The following GLT1D1 variants were observed in gnomAD, a reference collection of about 807,000 sequenced individuals.
The protein encoded by GLT1D1 is glycosyltransferase 1 domain-containing protein 1.
A neutral mutation model predicts 28.7 loss-of-function variants in GLT1D1; 21 were observed. The observed-to-expected ratio is 0.73, with a 90% CI of 0.52 to 1.05. The LOEUF is 1.05. Among genes scored for constraint, GLT1D1 ranks in the 50% least tolerant of loss-of-function variants. The pLI is 0.00. For missense variants in GLT1D1, 343 were observed against 330.6 expected (o/e 1.04, Z -0.29); for synonymous variants, 147 against 124.8 (o/e 1.18, Z -1.19).
At chr12:128,885,958 C>T (rs985113888) in intron 2 of GLT1D1, among the ~76,000 whole-genome samples, 1 of 152,172 alleles carries the variant, frequency 6.6e-6, no homozygotes, top group Admixed American at 6.5e-5. Context: ...CCACAATTCC[C>T]GTGTGTTGTG....
intron 6 of GLT1D1, among the ~76,000 whole-genome samples, chr12:128,951,232 G>A (rs1336202749): frequency 3.3e-5 from 5 of 151,972 alleles, no homozygotes; most frequent in African/African-American, 1.2e-4. Flanking sequence ...ATGAAACCCT[G>A]TCTCTACTAA....
rs1593032389 is a variant in GLT1D1, at chr12:128,853,645, G to A, written c.64G>A (p.Val22Ile). 2 of 1,162,736 alleles carry A rather than the reference G, an allele frequency of 1.7e-6. No individual in the cohort carries two copies. The highest frequency in any genetic ancestry group is 1.1e-6 in the Non-Finnish European group (1 of 935,272). 72.0% of individuals were successfully genotyped at this position (1,162,736 alleles called of 1,614,324 possible). Reference sequence around the variant, plus strand: ...CGGCAACGCGGTCACGGCCCAGCGCGTTCGGTAGGTGCAGGGCGCCGGGGC... The same window carrying A: ...CGGCAACGCGGTCACGGCCCAGCGCATTCGGTAGGTGCAGGGCGCCGGGGC... Residue 22 changes from valine (V) to isoleucine (I), a missense_variant, in exon 1 of 8, where the codon GTT (valine) becomes ATT (isoleucine). Transcript: ENST00000281703.
Position 128,899,259 on chromosome 12 carries a change from C to A in GLT1D1, c.347C>A (p.Ser116Ter). The A allele has an allele frequency of 6.2e-7, 1 of 1,613,370 alleles. No homozygotes were observed. The highest frequency in any genetic ancestry group is 1.1e-5 in the South Asian group (1 of 91,056). ...AGATTTGCTGTCGCTTTCACAGAGTCAATGAAGGAAATGGCACAAGCGCAG... is the reference window on the plus strand; with the variant it reads ...AGATTTGCTGTCGCTTTCACAGAGTAAATGAAGGAAATGGCACAAGCGCAG... Residue 116 changes from serine to a stop codon, truncating the protein, a stop_gained, in exon 4 of 8, where the codon TCA (serine) becomes TAA (stop). Coordinates refer to ENST00000281703, the MANE Select transcript of GLT1D1 (RefSeq NM_144669.3). LOFTEE classifies it high-confidence loss of function.
chr12:128,970,529 G>C (rs749648210), intron 7 of GLT1D1, among the ~76,000 whole-genome samples: 12 of 152,200 alleles, frequency 7.9e-5, no homozygotes, highest in Admixed American at 6.5e-4. Context: ...TGCAGCTGAG[G>C]ACCCTCTGGT....
intron 2 of GLT1D1, among the ~76,000 whole-genome samples, chr12:128,879,566 G>C (rs1956988247): frequency 6.6e-6 from 1 of 151,596 alleles, no homozygotes; most frequent in South Asian, 2.1e-4. Flanking sequence ...AGTAATTCTT[G>C]TGCCTCAGCC....
intron 6 of GLT1D1, among the ~76,000 whole-genome samples, chr12:128,953,670 T>C (rs894486338): frequency 9.9e-5 from 15 of 152,234 alleles, no homozygotes; most frequent in African/African-American, 3.6e-4. Flanking sequence ...TTTGTGTGTG[T>C]GGAGTGAGGA....
intron 4 of GLT1D1, among the ~76,000 whole-genome samples, chr12:128,919,108 C>T (rs150968194): frequency 1.6e-3 from 244 of 152,218 alleles, no homozygotes; most frequent in African/African-American, 5.0e-3. Flanking sequence ...GGCATCTGTT[C>T]GCATTTGTGC....
At position 128,947,501 on chromosome 12, in the gene GLT1D1, G is replaced by T. The variant is rs759564180; in HGVS notation, c.540+43G>T. On this transcript the variant is annotated intron_variant, in intron 6 of 7. Coordinates refer to ENST00000281703, the MANE Select transcript of GLT1D1 (RefSeq NM_144669.3). The stretch of plus-strand genomic sequence containing the variant: ...GTACTGAAAGTGGGAGTGTGAAATT[G>T]TCCATCACTCCTTCTCCTATTTACG... 1.1e-5 allele frequency: 18 copies of T among 1,608,208 alleles called. No homozygotes were observed. The African/African-American group carries it at 1.6e-4, about 14-fold the overall frequency.
At chr12:128,888,097 C>T (rs1868604502) in intron 2 of GLT1D1, among the ~76,000 whole-genome samples, 1 of 152,208 alleles carries the variant, frequency 6.6e-6, no homozygotes, top group Non-Finnish European at 1.5e-5. Flanking sequence ...TTTATGCGCT[C>T]AGCATCTTGT....
chr12:128,947,353 AT>A lies in GLT1D1; in HGVS notation c.437del (p.Leu146Ter). On this transcript the variant is annotated frameshift_variant, in exon 6 of 8. Transcript: ENST00000281703. LOFTEE classifies it high-confidence loss of function. ...TGTGTTTCAGAGCCGCTGGGGTACG[AT>A]TGATTGGAGAGATGCCTCAAGAAGA... 2 of 1,613,958 alleles carry A rather than the reference AT, an allele frequency of 1.2e-6. No individual in the cohort carries two copies. The highest frequency in any genetic ancestry group is 1.1e-5 in the South Asian group (1 of 91,072).
intron 7 of GLT1D1, among the ~76,000 whole-genome samples, chr12:128,971,492 ACCTC>A (rs1176681409): frequency 2.6e-4 from 12 of 45,822 alleles, no homozygotes; most frequent in East Asian, 2.5e-3. Context: ...CCCTCTCTCT[ACCTC>A]CCTCCCTCTC....
chr12:128,877,927 T>C (rs1429131395), intron 2 of GLT1D1, among the ~76,000 whole-genome samples: 1 of 152,216 alleles, frequency 6.6e-6, no homozygotes, highest in Non-Finnish European at 1.5e-5. Context: ...CACAAGGCCG[T>C]TGGTGGGAGG....
rs114212294 is a variant in GLT1D1, at chr12:128,919,813, C to A, written c.375+20526C>A. Among the ~76,000 whole-genome samples the A allele has an allele frequency of 5.6e-3, 851 of 152,288 alleles. 9 individuals carry two copies. Among genetic ancestry groups the A allele is most frequent in the African/African-American group, 0.019 (801 of 41,546 alleles). On this transcript the variant is annotated intron_variant, in intron 4 of 7. Transcript: ENST00000281703. ...GAATTTTGCCTTTAAATTTCAATAA[C>A]CAACACATCTAAAGTCATGATTCCT...
intron 4 of GLT1D1, among the ~76,000 whole-genome samples, chr12:128,937,280 G>A (rs570026698): frequency 9.2e-5 from 14 of 152,304 alleles, no homozygotes; most frequent in African/African-American, 3.4e-4. Flanking sequence ...TCGAGCAAAA[G>A]GCATCAGAAA....
Position 128,867,419 on chromosome 12 carries a change from G to GAAAAAAAAA in GLT1D1, c.69-8491_69-8483dup, listed in dbSNP as rs1318656397. Among the ~76,000 whole-genome samples, 28 of 111,822 alleles carry GAAAAAAAAA rather than the reference G, an allele frequency of 2.5e-4. 1 individual carries two copies. The highest frequency in any genetic ancestry group is 9.3e-4 in the African/African-American group (28 of 30,248). 73.4% of individuals were successfully genotyped at this position (111,822 alleles called of 152,430 possible). A position where few individuals can be genotyped will look rare whatever the true frequency, so the allele number is the denominator to read the frequency against. On this transcript the variant is annotated intron_variant, in intron 1 of 7. Coordinates refer to ENST00000281703, the MANE Select transcript of GLT1D1 (RefSeq NM_144669.3). ...TCTCAAAAAAAAAAAAAAAAAAACA[G>GAAAAAAAAA]AAAAAAAAAAAAGGAAAAGAAAAAA...
At chr12:128,874,160 T>C (rs1377836019) in intron 1 of GLT1D1, among the ~76,000 whole-genome samples, 1 of 126,828 alleles carries the variant, frequency 7.9e-6, no homozygotes, top group African/African-American at 3.0e-5. Flanking sequence ...CTTTCTTTCT[T>C]TCTTTCTTTC....
At chr12:128,864,158 G>C (rs1360074539) in intron 1 of GLT1D1, 5 of 686,702 alleles carry the variant, frequency 7.3e-6, no homozygotes, top group Non-Finnish European at 1.3e-5. Flanking sequence ...CTGACTGCGA[G>C]GTGCCTGTCA....
intron 2 of GLT1D1, among the ~76,000 whole-genome samples, chr12:128,878,021 C>A (rs1050286156): frequency 1.3e-5 from 2 of 152,222 alleles, no homozygotes; most frequent in Non-Finnish European, 2.9e-5. Flanking sequence ...CTGAGAGAAC[C>A]ATCAAAAGAA....
intron 6 of GLT1D1, among the ~76,000 whole-genome samples, chr12:128,949,677 T>C (rs776425956): frequency 6.6e-6 from 1 of 152,150 alleles, no homozygotes; most frequent in Non-Finnish European, 1.5e-5. Context: ...CGGAGTTGAA[T>C]CCTGCAGAGA....
Sources: gnomAD v4.1 joint callset for allele counts (sites outside exome capture counted in the v4.1 genomes callset) on GRCh38, gnomAD v4.1.1 for gene constraint, MANE v1.5 for transcripts, NCBI Gene and HGNC (gene_info 2026-07-23, HGNC 2026-07-21) for gene names.